Variants in RPS11 observed in about 807,000 individuals in gnomAD.
RPS11 encodes ribosomal protein S11.
For synonymous variants in RPS11, 107 were observed against 78.0 expected, an observed-to-expected ratio of 1.37 and a Z score of -1.96; for missense variants, 127 against 211.4, an observed-to-expected ratio of 0.60 and a Z score of 2.48.
intron 4 of RPS11, among the ~76,000 whole-genome samples, chr19:49,498,578 CCT>C (rs966738875): frequency 2.0e-5 from 3 of 152,116 alleles, no homozygotes; most frequent in Non-Finnish European, 4.4e-5. Flanking sequence ...ATGGCAAAAC[CCT>C]CTCTCTACAA....
intron 2 of RPS11, 63 bp from the exon 3 acceptor site, chr19:49,497,457 C>T: frequency 1.3e-6 from 2 of 1,597,080 alleles, no homozygotes; most frequent in South Asian, 2.2e-5. Flanking sequence ...GAGGCCACGC[C>T]CCTGGCTCTT....
chr19:49,497,782 C>G (rs757060114), intron 3 of RPS11, 135 bp from the exon 4 acceptor site: 2 of 1,338,976 alleles, frequency 1.5e-6, no homozygotes, highest in Admixed American at 3.4e-5. Context: ...CTGAGAAAGC[C>G]ACTTGGTAAA....
Position 49,497,240 on chromosome 19 carries a change from A to G in RPS11, c.62A>G (p.Lys21Arg), listed in dbSNP as rs1329639765. The G allele has an allele frequency of 4.3e-6, 7 of 1,614,032 alleles. No individual in the cohort carries two copies. Among genetic ancestry groups the G allele is most frequent in the Non-Finnish European group, 5.9e-6 (7 of 1,180,030 alleles). Residue 21 changes from lysine (K) to arginine (R), a missense_variant, in exon 2 of 5, where the codon AAG becomes AGG. Coordinates refer to ENST00000270625, the MANE Select transcript of RPS11 (RefSeq NM_001015.5). ...QKQPTIFQNK[K>R]RVLLGETGKE... is the part of the protein sequence containing the mutation. ...CAGCCGACCATCTTTCAAAACAAGA[A>G]GAGGGTCCTGCTGGGAGAAACTGGC...
chr19:49,497,422 T>G, intron 2 of RPS11, 97 bp downstream of exon 2: 1 of 1,596,448 alleles, frequency 6.3e-7, no homozygotes, highest in Non-Finnish European at 8.6e-7. Context: ...CTTCTGGGGC[T>G]GCTGGGAATT....
intron 2 of RPS11, 60 bp downstream of exon 2, chr19:49,497,385 C>T (rs762792145): frequency 3.1e-6 from 5 of 1,609,398 alleles, no homozygotes; most frequent in African/African-American, 2.7e-5. Flanking sequence ...GTGCCCACGA[C>T]GAGTTGCCCT....
chr19:49,498,587 A>T (rs1397348084), intron 4 of RPS11, among the ~76,000 whole-genome samples: 3 of 152,164 alleles, frequency 2.0e-5, no homozygotes, highest in African/African-American at 7.2e-5. Flanking sequence ...CCCTCTCTCT[A>T]CAAAAAATAC....
Position 49,498,055 on chromosome 19 carries a change from A to T in RPS11, c.353+9A>T. On this transcript the variant is annotated intron_variant, in intron 4 of 4. Coordinates refer to ENST00000270625, the MANE Select transcript of RPS11 (RefSeq NM_001015.5). ...CTGTCCCCCTGCTTCAGGTGAGCGC[A>T]GTGGCCCATCAGGTTGCTCAGGCCA... is the stretch of plus-strand genomic sequence containing the variant. 1 of 1,612,114 alleles carries T rather than the reference A, an allele frequency of 6.2e-7. No individual in the cohort carries two copies. Among genetic ancestry groups the T allele is most frequent in the Non-Finnish European group, 8.5e-7 (1 of 1,179,996 alleles).
Position 49,499,531 on chromosome 19 carries a change from A to G in RPS11, c.373A>G (p.Ile125Val), listed in dbSNP as rs763071995. 11 of 1,613,684 alleles carry G rather than the reference A, an allele frequency of 6.8e-6. No homozygotes were observed. The highest frequency in any genetic ancestry group is 1.3e-5 in the African/African-American group (1 of 75,002). Reference sequence around the variant, plus strand: ...CCACAGGGACGTCCAGATCGGTGACATCGTCACAGTGGGCGAGTGCCGGCC... The same window carrying G: ...CCACAGGGACGTCCAGATCGGTGACGTCGTCACAGTGGGCGAGTGCCGGCC... The part of the protein sequence containing the change: ...PCFRDVQIGD[I>V]VTVGECRPLS... Residue 125 changes from isoleucine (I) to valine (V), a missense_variant, in exon 5 of 5, where the codon ATC becomes GTC. Physicochemically the swap from Ile to Val is conservative, Grantham distance 29 (BLOSUM62 3). Coordinates refer to ENST00000270625, the MANE Select transcript of RPS11 (RefSeq NM_001015.5).
intron 3 of RPS11, 39 bp downstream of exon 3, chr19:49,497,634 C>G: frequency 6.3e-7 from 1 of 1,582,550 alleles, no homozygotes; most frequent in Non-Finnish European, 8.7e-7. Context: ...GCCTGAAATA[C>G]TGAAAGAAGG....
At chr19:49,498,706 C>G (rs977441039) in intron 4 of RPS11, among the ~76,000 whole-genome samples, 1 of 152,174 alleles carries the variant, frequency 6.6e-6, no homozygotes, top group African/African-American at 2.4e-5. Context: ...GCCGAGATGG[C>G]AGCACTGCTC....
At chr19:49,497,868 T>A in intron 3 of RPS11, 49 bp from the exon 4 acceptor site, 5 of 1,613,520 alleles carry the variant, frequency 3.1e-6, no homozygotes, top group Non-Finnish European at 4.2e-6. Flanking sequence ...GGGTTACCTA[T>A]GGCCCTCTTT....
rs2079915250 is a variant in RPS11, at chr19:49,497,910, C to T, written c.224-7C>T. On this transcript the variant is annotated splice_polypyrimidine_tract_variant and splice_region_variant and intron_variant, in intron 3 of 4. Coordinates refer to ENST00000270625, the MANE Select transcript of RPS11 (RefSeq NM_001015.5). ...GGACCTGACCTATGATCGGCCCCCG[C>T]TCCTAGGCGTGGTGACCAAGATGAA... 2 of 1,614,050 alleles carry T rather than the reference C, an allele frequency of 1.2e-6. No homozygotes were observed. Among genetic ancestry groups the T allele is most frequent in the South Asian group, 1.1e-5 (1 of 91,090 alleles).
chr19:49,498,128 TGAGG>T, intron 4 of RPS11, 82 bp downstream of exon 4: 1 of 1,485,996 alleles, frequency 6.7e-7, no homozygotes, highest in Non-Finnish European at 9.3e-7. Flanking sequence ...TAAGGCCAAC[TGAGG>T]GAGGGAAAGA....
chr19:49,499,390 G>T, intron 4 of RPS11, 122 bp from the exon 5 acceptor site: 1 of 1,066,532 alleles, frequency 9.4e-7, no homozygotes, highest in South Asian at 1.6e-5. Context: ...GGCGAGTAGA[G>T]CTTGGTTGGG....
intron 2 of RPS11, 21 bp from the exon 3 acceptor site, chr19:49,497,499 T>G (rs1568692248): frequency 1.2e-6 from 2 of 1,612,490 alleles, no homozygotes; most frequent in South Asian, 1.1e-5. Context: ...GCTCACTCCT[T>G]TATCTTTCCT....
chr19:49,497,385 C>G (rs762792145), intron 2 of RPS11, 60 bp downstream of exon 2: 822 of 1,609,398 alleles, frequency 5.1e-4, no homozygotes, highest in Non-Finnish European at 6.7e-4. Context: ...GTGCCCACGA[C>G]GAGTTGCCCT....
In RPS11 at chr19:49,497,921, G is replaced by C. The variant is rs1245675671; in HGVS notation, c.228G>C (p.Val76=). 2.5e-6 allele frequency: 4 copies of C among 1,613,994 alleles called. No individual in the cohort carries two copies. Among genetic ancestry groups the C allele is most frequent in the African/African-American group, 2.7e-5 (2 of 74,912 alleles). ...VSIRGRILSG[V]VTKMKMQRTI... ...ATGATCGGCCCCCGCTCCTAGGCGT[G>C]GTGACCAAGATGAAGATGCAGAGGA... The change falls in exon 4 of 5, where the codon GTG becomes GTC. Residue 76 remains valine, a synonymous_variant. Coordinates refer to ENST00000270625, the MANE Select transcript of RPS11 (RefSeq NM_001015.5).
rs2079923726 is a variant in RPS11 at position 49,499,460 on chromosome 19, G to A, written c.354-52G>A. 9 of 1,581,620 alleles carry A rather than the reference G, an allele frequency of 5.7e-6. No individual in the cohort carries two copies. In the Admixed American group the frequency reaches 8.6e-5, roughly 15 times the overall value. On this transcript the variant is annotated intron_variant, in intron 4 of 4. Coordinates refer to ENST00000270625, the MANE Select transcript of RPS11 (RefSeq NM_001015.5). Reference sequence around the variant, plus strand: ...GGTGAAGGGGAGGGAGGGCCTCCTGGGGTCTGCTGGGGTGGCCCCTCCTGA... The same window carrying A: ...GGTGAAGGGGAGGGAGGGCCTCCTGAGGTCTGCTGGGGTGGCCCCTCCTGA...
chr19:49,498,084 T>C, intron 4 of RPS11, 38 bp downstream of exon 4: 1 of 1,609,972 alleles, frequency 6.2e-7, no homozygotes, highest in Non-Finnish European at 8.5e-7. Flanking sequence ...CAGGCCACGC[T>C]CTCTCAGCCT....
Sources: gnomAD v4.1 joint callset for allele counts (sites outside exome capture counted in the v4.1 genomes callset) on GRCh38, gnomAD v4.1.1 for gene constraint, MANE v1.5 for transcripts, NCBI Gene and HGNC (gene_info 2026-07-23, HGNC 2026-07-21) for gene names.